The following TSC2 variants were observed in gnomAD, a reference collection of about 807,000 sequenced individuals.
TSC2 encodes tuberin.
Under a neutral mutation model 202.2 loss-of-function variants are expected in TSC2, and 29 were observed. The observed-to-expected ratio is 0.14, with a 90% CI of 0.11 to 0.20. The LOEUF is 0.20. Ranked by LOEUF, TSC2 falls within the 10% of genes least tolerant of loss-of-function variation. TSC2 has a pLI of 1.00. For synonymous variants in TSC2, 1,349 were observed against 1,044.0 expected, an observed-to-expected ratio of 1.29 and a Z score of -5.63; for missense variants, 2,429 against 2,420.0, an observed-to-expected ratio of 1.00 and a Z score of -0.08.
chr16:2,063,756 GGCTTC>G, intron 14 of TSC2: 4 of 235,646 alleles, frequency 1.7e-5, no homozygotes, highest in East Asian at 1.1e-4. Flanking sequence ...TGGGTCCTCT[GGCTTC>G]TCCCATCAGG....
intron 12 of TSC2, 98 bp downstream of exon 12, chr16:2,062,106 G>A (rs1464799799): frequency 1.3e-6 from 2 of 1,548,622 alleles, no homozygotes; most frequent in Middle Eastern, 4.1e-4. Flanking sequence ...GAAGCCAAGG[G>A]CCAGGTGGGC....
chr16:2,064,394 C>G lies in TSC2; in HGVS notation c.1566C>G (p.His522Gln). 6.2e-7 allele frequency: 1 copy of G among 1,613,756 alleles called. No individual in the cohort carries two copies. Among genetic ancestry groups the G allele is most frequent in the Non-Finnish European group, 8.5e-7 (1 of 1,180,040 alleles). The change falls in exon 15 of 42, where the codon CAC (histidine) becomes CAG (glutamine). Residue 522 changes from histidine to glutamine, a missense_variant. Transcript: ENST00000219476. ...ACCTGGCAGAGGGCTGCCACACACACCACTTCAACAGCCTGCTGGACATCA... is the reference window on the plus strand; with the variant it reads ...ACCTGGCAGAGGGCTGCCACACACAGCACTTCAACAGCCTGCTGGACATCA... ...LVDLAEGCHT[H>Q]HFNSLLDIIE...
intron 17 of TSC2, chr16:2,071,249 C>T (rs1292877711): frequency 1.8e-6 from 1 of 563,380 alleles, no homozygotes; most frequent in African/African-American, 1.9e-5. Flanking sequence ...TCCCTTCCAT[C>T]CCAGGCGGGC....
At chr16:2,084,164 TC>T in intron 33 of TSC2, 63 bp from the exon 34 acceptor site, 1 of 1,550,096 alleles carries the variant, frequency 6.5e-7, no homozygotes, top group East Asian at 2.4e-5. Context: ...CACCTCCAGG[TC>T]AACCCCAGGT....
At position 2,076,421 on chromosome 16, in the gene TSC2, C is replaced by T. The variant is rs569397782; in HGVS notation, c.2743-70C>T. On this transcript the variant is annotated intron_variant, in intron 24 of 41. Transcript: ENST00000219476. ...AGCTTGTCCCTGGCCAGGGGGCACC[C>T]GGCAGGCCTGGTGAGGGCCTCCAGC... 30 of 1,598,628 alleles carry T rather than the reference C, an allele frequency of 1.9e-5. No individual in the cohort carries two copies. In the East Asian group the frequency reaches 2.5e-4, roughly 13 times the overall value.
rs1555501389 is a variant in TSC2, at chr16:2,062,543, A to C, written c.1304A>C (p.His435Pro). Residue 435 changes from histidine (H) to proline (P), a missense_variant, in exon 13 of 42, where the codon CAC becomes CCC. His to Pro is a moderately conservative substitution (Grantham distance 77). Transcript: ENST00000219476. ...NLISYRAQSIHPAKDGWIQNL... is the reference protein window; with the variant it reads ...NLISYRAQSIPPAKDGWIQNL... ...ATCTCCTATAGAGCGCAGTCCATCC[A>C]CCCGGCCAAGGACGGCTGGATTCAG... is the stretch of plus-strand genomic sequence containing the variant. 6.2e-7 allele frequency: 1 copy of C among 1,612,502 alleles called. No individual in the cohort carries two copies. The highest frequency in any genetic ancestry group is 1.1e-5 in the South Asian group (1 of 90,558).
chr16:2,050,081 G>T lies in TSC2; in HGVS notation c.139-319G>T, dbSNP rs755821538. On this transcript the variant is annotated intron_variant, in intron 2 of 41. Coordinates refer to ENST00000219476, the MANE Select transcript of TSC2 (RefSeq NM_000548.5). ...AGGGATTCTCCTGCCTCACTCTCCC[G>T]AGTAGCTGGGATTATAGACGCCCAC... is the stretch of plus-strand genomic sequence containing the variant. 5.3e-5 allele frequency among the ~76,000 whole-genome samples: 8 copies of T among 150,452 alleles called. No homozygotes were observed. In the Admixed American group the frequency reaches 5.3e-4, roughly 10 times the overall value.
At chr16:2,048,870 C>A in intron 2 of TSC2, 117 bp downstream of exon 2, 1 of 1,440,114 alleles carries the variant, frequency 6.9e-7, no homozygotes, top group Non-Finnish European at 9.7e-7. Flanking sequence ...CACAGGAATG[C>A]TGTCTCCAGT....
At chr16:2,060,616 C>G in intron 10 of TSC2, 54 bp from the exon 11 acceptor site, 1 of 1,613,040 alleles carries the variant, frequency 6.2e-7, no homozygotes, top group Non-Finnish European at 8.5e-7. Flanking sequence ...GGGAGGGCGT[C>G]CCACAGCAAG....
chr16:2,072,603 A>G, intron 20 of TSC2: 1 of 785,954 alleles, frequency 1.3e-6, no homozygotes, highest in Non-Finnish European at 2.0e-6. Flanking sequence ...CTGAATGTGG[A>G]TGTCTCCCAT....
intron 21 of TSC2, among the ~76,000 whole-genome samples, chr16:2,073,302 G>A (rs948436351): frequency 5.9e-5 from 9 of 152,220 alleles, no homozygotes; most frequent in African/African-American, 2.2e-4. Context: ...GGTGGAGCTG[G>A]GCTGGTTCTG....
chr16:2,083,306 C>T (rs757234505), intron 32 of TSC2: 57 of 457,350 alleles, frequency 1.2e-4, no homozygotes, highest in Non-Finnish European at 2.2e-4. Context: ...ACTTCCCCCA[C>T]GTCACGGAGT....
chr16:2,072,406 G>T, intron 20 of TSC2, 43 bp downstream of exon 20: 2 of 1,611,540 alleles, frequency 1.2e-6, no homozygotes, highest in Non-Finnish European at 1.7e-6. Context: ...ACCCAGTAGG[G>T]TTTTTCCCCA....
At chr16:2,067,799 C>T (rs1252133713) in intron 16 of TSC2, among the ~76,000 whole-genome samples, 1 of 152,150 alleles carries the variant, frequency 6.6e-6, no homozygotes, top group East Asian at 1.9e-4. Flanking sequence ...AAACAGGCAT[C>T]ACCTCCTTGG....
chr16:2,070,464 G>A lies in TSC2; in HGVS notation c.1725G>A (p.Leu575=), dbSNP rs747173035. The change falls in exon 17 of 42, where the codon CTG becomes CTA. Residue 575 remains leucine (L), a synonymous_variant. Transcript: ENST00000219476. ...GCGTCCTCTCTCTGCAGACCAAGCT[G>A]TACACCCTGCCTGCAAGCCACGCCA... ...LGLLVILQTK[L]YTLPASHATR... 3 of 1,613,368 alleles carry A rather than the reference G, an allele frequency of 1.9e-6. No individual in the cohort carries two copies. The highest frequency in any genetic ancestry group is 3.3e-4 in the Middle Eastern group (2 of 6,062).
Position 2,075,482 on chromosome 16 carries a change from G to A in TSC2, c.2546-317G>A, listed in dbSNP as rs1322873558. Among the ~76,000 whole-genome samples the A allele has an allele frequency of 4.4e-5, 6 of 135,172 alleles. No homozygotes were observed. In the East Asian group the frequency reaches 8.6e-4, roughly 19 times the overall value. 88.7% of individuals were successfully genotyped at this position (135,172 alleles called of 152,430 possible). A position where few individuals can be genotyped will look rare whatever the true frequency, so the allele number is the denominator to read the frequency against. On this transcript the variant is annotated intron_variant, in intron 22 of 41. Transcript: ENST00000219476. The stretch of plus-strand genomic sequence containing the variant: ...GTGGAGCTTGCAGTGAGCCGGGATC[G>A]CGCCACTGCACTCCAGCCTGGGCGA...
At chr16:2,074,848 A>T (rs1206010355) in intron 22 of TSC2, 1 of 262,792 alleles carries the variant, frequency 3.8e-6, no homozygotes, top group Non-Finnish European at 7.5e-6. Flanking sequence ...GAGGCTGGAG[A>T]GAAGATCGTG....
rs1060500939 is a variant in TSC2, at chr16:2,080,318, C to T, written c.3551C>T (p.Ala1184Val). The T allele has an allele frequency of 1.1e-5, 18 of 1,612,810 alleles. No individual in the cohort carries two copies. Among genetic ancestry groups the T allele is most frequent in the Admixed American group, 1.7e-5 (1 of 60,024 alleles). ...CCTGTGCAGGAGAAGACGAACCTGG[C>T]GGCCTATGTGCCCCTGCTGACCCAG... is the stretch of plus-strand genomic sequence containing the variant. ...RVPVQEKTNL[A>V]AYVPLLTQGW... Residue 1184 changes from alanine (A) to valine (V), a missense_variant, in exon 30 of 42, where the codon GCG becomes GTG. By Grantham distance (64) the Ala-to-Val change is moderately conservative. Coordinates refer to ENST00000219476, the MANE Select transcript of TSC2 (RefSeq NM_000548.5).
At chr16:2,082,344 C>G in intron 31 of TSC2, 92 bp from the exon 32 acceptor site, 1 of 1,472,458 alleles carries the variant, frequency 6.8e-7, no homozygotes, top group South Asian at 1.1e-5. Flanking sequence ...CCTGCCCTCT[C>G]TCCTCTGCAG....
Sources: allele counts gnomAD v4.1 joint callset (sites outside exome capture counted in the v4.1 genomes callset), GRCh38; gene constraint gnomAD v4.1.1; transcripts MANE v1.5; gene names NCBI Gene and HGNC (gene_info 2026-07-23, HGNC 2026-07-21).